Variants in PDE8A observed in about 807,000 individuals in gnomAD.
The protein encoded by PDE8A is phosphodiesterase 8A, also known as high affinity cAMP-specific and IBMX-insensitive 3',5'-cyclic phosphodiesterase 8A.
A neutral mutation model predicts 105.0 loss-of-function variants in PDE8A; 59 were observed. The observed-to-expected ratio is 0.56, with a 90% confidence interval of 0.46 to 0.70. PDE8A has a LOEUF of 0.70. Among genes scored for constraint, PDE8A ranks in the 30% least tolerant of loss-of-function variants. The pLI is 0.00. For synonymous variants in PDE8A, 355 were observed against 371.9 expected, an observed-to-expected ratio of 0.95 and a Z score of 0.52; for missense variants, 1,014 against 1,045.9, an observed-to-expected ratio of 0.97 and a Z score of 0.42.
At chr15:85,104,412 G>A (rs2081916536) in intron 11 of PDE8A, among the ~76,000 whole-genome samples, 1 of 152,136 alleles carries the variant, frequency 6.6e-6, no homozygotes. Context: ...TCATCCTGTA[G>A]GCAGAGGAAG....
chr15:85,132,909 C>T (rs2141653217), intron 20 of PDE8A, among the ~76,000 whole-genome samples: 1 of 152,110 alleles, frequency 6.6e-6, no homozygotes, highest in African/African-American at 2.4e-5. Context: ...AAGTCTTTGT[C>T]CAGTGCCTGT....
At chr15:85,123,353 C>T (rs2082212051) in intron 19 of PDE8A, among the ~76,000 whole-genome samples, 160 bp downstream of exon 19, 2 of 90,144 alleles carry the variant, frequency 2.2e-5, no homozygotes, top group South Asian at 4.5e-4. Context: ...CACACACACA[C>T]ACACACACAC....
At chr15:85,104,563 T>G (rs1019233976) in intron 11 of PDE8A, among the ~76,000 whole-genome samples, 7 of 151,846 alleles carry the variant, frequency 4.6e-5, no homozygotes, top group Non-Finnish European at 1.0e-4. Flanking sequence ...AGGAGTTACT[T>G]AAGTATAATC....
chr15:85,085,536 A>G (rs1367361330), intron 6 of PDE8A, among the ~76,000 whole-genome samples: 1 of 151,890 alleles, frequency 6.6e-6, no homozygotes, highest in African/African-American at 2.4e-5. Flanking sequence ...TGTCTCTATT[A>G]AAAATACTAA....
chr15:85,129,607 T>A (rs982988436), intron 20 of PDE8A, among the ~76,000 whole-genome samples: 5 of 152,238 alleles, frequency 3.3e-5, no homozygotes, highest in African/African-American at 1.2e-4. Context: ...TGTCTTTTTT[T>A]CTTAGTCCAT....
chr15:85,125,257 C>G (rs1454543975), intron 19 of PDE8A, among the ~76,000 whole-genome samples: 4 of 152,202 alleles, frequency 2.6e-5, no homozygotes, highest in African/African-American at 7.2e-5. Context: ...TCTTAGGCTA[C>G]TGCTATTGCA....
At chr15:85,012,268 A>G (rs1377699794) in intron 1 of PDE8A, among the ~76,000 whole-genome samples, 1 of 152,198 alleles carries the variant, frequency 6.6e-6, no homozygotes. Context: ...TTGCAGCACT[A>G]TTCACAATAG....
rs578169622 is a variant in PDE8A at position 85,023,235 on chromosome 15, G to T, written c.186+40887G>T. On this transcript the variant is annotated intron_variant, in intron 1 of 21. Coordinates refer to ENST00000394553, the MANE Select transcript of PDE8A (RefSeq NM_002605.3). ...CGTCGCTGAATAGGGAAAGTGTTGTGGGGAATAAGAGCATTGTCTGGGGTT... is the reference window on the plus strand; with the variant it reads ...CGTCGCTGAATAGGGAAAGTGTTGTTGGGAATAAGAGCATTGTCTGGGGTT... Among the ~76,000 whole-genome samples, 5 of 152,316 alleles carry T rather than the reference G, an allele frequency of 3.3e-5. No homozygotes were observed. In the South Asian group the frequency reaches 1.0e-3, roughly 32 times the overall value.
chr15:85,015,039 G>A (rs946313294), intron 1 of PDE8A, among the ~76,000 whole-genome samples: 3 of 152,092 alleles, frequency 2.0e-5, no homozygotes, highest in Non-Finnish European at 2.9e-5. Flanking sequence ...TCTGGCCTTT[G>A]TGTCTGGTTT....
At chr15:84,990,137 G>T (rs1308164130) in intron 1 of PDE8A, among the ~76,000 whole-genome samples, 3 of 152,084 alleles carry the variant, frequency 2.0e-5, no homozygotes, top group African/African-American at 7.2e-5. Context: ...GATTGCTCGA[G>T]CCCAGGTGTT....
In PDE8A at chr15:85,070,179, C is replaced by T. The variant is rs117189870; in HGVS notation, c.434+2975C>T. 3.3e-4 allele frequency among the ~76,000 whole-genome samples: 50 copies of T among 152,284 alleles called. No individual in the cohort carries two copies. In the East Asian group the frequency reaches 7.7e-3, roughly 24 times the overall value. On this transcript the variant is annotated intron_variant, in intron 3 of 21. Coordinates refer to ENST00000394553, the MANE Select transcript of PDE8A (RefSeq NM_002605.3). ...ACACTGCCTATGGAGAGCTTTTCAT[C>T]GGTTGTTGACCTGTCTAAATGACTA...
At position 85,123,256 on chromosome 15, in the gene PDE8A, G is replaced by C. The variant is rs1320487386; in HGVS notation, c.2085+63G>C. 14 of 1,518,510 alleles carry C rather than the reference G, an allele frequency of 9.2e-6. No homozygotes were observed. The African/African-American group carries it at 1.9e-4, about 21-fold the overall frequency. 94.1% of individuals were successfully genotyped at this position (1,518,510 alleles called of 1,614,324 possible). On this transcript the variant is annotated intron_variant, in intron 19 of 21. Coordinates refer to ENST00000394553, the MANE Select transcript of PDE8A (RefSeq NM_002605.3). ...GGTCCTTGTACTGTTGTGTTATGGA[G>C]ACACATGGGCTATGATATCAGCCAC...
intron 1 of PDE8A, among the ~76,000 whole-genome samples, chr15:85,026,084 G>A (rs140044200): frequency 5.9e-5 from 9 of 152,306 alleles, no homozygotes; most frequent in African/African-American, 1.7e-4. Flanking sequence ...TTGTCAAACT[G>A]CCTGCTAATG....
intron 8 of PDE8A, among the ~76,000 whole-genome samples, chr15:85,097,542 A>C (rs2081777421): frequency 6.6e-6 from 1 of 152,210 alleles, no homozygotes; most frequent in Non-Finnish European, 1.5e-5. Flanking sequence ...GGTAGTGGCC[A>C]CATAATGGTC....
intron 1 of PDE8A, 93 bp downstream of exon 1, chr15:84,982,441 C>G (rs1481560256): frequency 1.3e-6 from 1 of 754,686 alleles, no homozygotes; most frequent in Non-Finnish European, 1.9e-6. Flanking sequence ...TCCCCCCCAC[C>G]CGGCCTCGGT....
At chr15:85,100,105 C>A (rs755640030) in intron 10 of PDE8A, 39 bp downstream of exon 10, 1 of 1,612,358 alleles carries the variant, frequency 6.2e-7, no homozygotes, top group Non-Finnish European at 8.5e-7. Flanking sequence ...AGGAACACCC[C>A]AGCAAGATTT....
At chr15:85,083,370 C>T (rs917970323) in intron 5 of PDE8A, among the ~76,000 whole-genome samples, 186 bp from the exon 6 acceptor site, 1 of 151,906 alleles carries the variant, frequency 6.6e-6, no homozygotes, top group Non-Finnish European at 1.5e-5. Context: ...ATTCTTAAAC[C>T]CTATTTTTTA....
At chr15:85,088,566 T>A (rs775981512) in intron 6 of PDE8A, among the ~76,000 whole-genome samples, 1 of 152,236 alleles carries the variant, frequency 6.6e-6, no homozygotes, top group Non-Finnish European at 1.5e-5. Context: ...AATACTGCTA[T>A]GAACATTTGC....
In PDE8A at chr15:84,982,367, T is replaced by C; in HGVS notation, c.186+19T>C. On this transcript the variant is annotated intron_variant, in intron 1 of 21. Transcript: ENST00000394553. ...CAAGAAGGTAAGGGGCGCCGGGCACTCTGGGGCCGCCGCGAAACTCGGGCC... is the reference window on the plus strand; with the variant it reads ...CAAGAAGGTAAGGGGCGCCGGGCACCCTGGGGCCGCCGCGAAACTCGGGCC... 7.7e-7 allele frequency: 1 copy of C among 1,293,192 alleles called. No individual in the cohort carries two copies. The highest frequency in any genetic ancestry group is 9.8e-7 in the Non-Finnish European group (1 of 1,020,756). The allele number at this position is 1,293,192 out of a possible 1,614,324, so 80.1% of individuals were successfully genotyped here.
Sources: gnomAD v4.1 joint callset for allele counts (sites outside exome capture counted in the v4.1 genomes callset) on GRCh38, gnomAD v4.1.1 for gene constraint, MANE v1.5 for transcripts, NCBI Gene and HGNC (gene_info 2026-07-23, HGNC 2026-07-21) for gene names.